Variants in FOXN3 observed in about 807,000 individuals in gnomAD.
FOXN3 encodes the protein forkhead box N3.
FOXN3 carries 7 observed loss-of-function variants against 38.4 expected under a neutral mutation model. The observed-to-expected ratio is 0.18, with a 90% confidence interval of 0.10 to 0.34. The LOEUF is 0.34. Ranked by LOEUF, FOXN3 falls within the 10% of genes least tolerant of loss-of-function variation. The pLI is 1.00. For missense variants in FOXN3, 456 were observed against 613.4 expected, an observed-to-expected ratio of 0.74 and a Z score of 2.71; for synonymous variants, 230 against 242.2, an observed-to-expected ratio of 0.95 and a Z score of 0.47.
At chr14:89,553,376 T>C (rs1386102201) in intron 1 of FOXN3, among the ~76,000 whole-genome samples, 1 of 148,386 alleles carries the variant, frequency 6.7e-6, no homozygotes, top group East Asian at 2.0e-4. Context: ...GGAAAGACTA[T>C]AAAGTAGTGC....
At position 89,235,367 on chromosome 14, in the gene FOXN3, G is replaced by A. The variant is rs181467164; in HGVS notation, c.745+45583C>T. 1.3e-4 allele frequency among the ~76,000 whole-genome samples: 20 copies of A among 152,278 alleles called. No individual in the cohort carries two copies. The East Asian group carries it at 3.7e-3, about 28-fold the overall frequency. On this transcript the variant is annotated intron_variant, in intron 4 of 5. Transcript: ENST00000557258. ...TAACCACACAAAGTAAAGTATAGGA[G>A]TGTGCCTGTGTGAGGGGCTTCTGCC...
At chr14:89,547,091 T>G (rs1393560492) in intron 1 of FOXN3, among the ~76,000 whole-genome samples, 1 of 152,140 alleles carries the variant, frequency 6.6e-6, no homozygotes, top group African/African-American at 2.4e-5. Context: ...GCCCTGACAC[T>G]AGGTAATTTA....
At chr14:89,332,367 G>C (rs182567627) in intron 3 of FOXN3, among the ~76,000 whole-genome samples, 1 of 152,172 alleles carries the variant, frequency 6.6e-6, no homozygotes. Context: ...CAACAAAAGT[G>C]AGCAAAAAGT....
intron 1 of FOXN3, among the ~76,000 whole-genome samples, chr14:89,500,291 C>G (rs907455506): frequency 6.6e-6 from 1 of 152,186 alleles, no homozygotes; most frequent in Non-Finnish European, 1.5e-5. Context: ...GCCATCGGCA[C>G]GGATGGCCTA....
At chr14:89,457,017 G>A (rs1158093534) in intron 1 of FOXN3, among the ~76,000 whole-genome samples, 8 of 152,160 alleles carry the variant, frequency 5.3e-5, no homozygotes, top group African/African-American at 7.2e-5. Flanking sequence ...TTGTATCACC[G>A]TTATTAATGA....
chr14:89,526,011 A>C (rs955275995), intron 1 of FOXN3, among the ~76,000 whole-genome samples: 13 of 151,588 alleles, frequency 8.6e-5, no homozygotes, highest in Admixed American at 2.0e-4. Flanking sequence ...ACTAAAAAGA[A>C]AAAAAAAAGT....
chr14:89,469,899 C>T (rs149221399), intron 1 of FOXN3, among the ~76,000 whole-genome samples: 3 of 152,320 alleles, frequency 2.0e-5, no homozygotes, highest in Non-Finnish European at 4.4e-5. Flanking sequence ...TGAATGTCAG[C>T]GAGTTGGTCG....
At chr14:89,464,621 T>C (rs555581536) in intron 1 of FOXN3, among the ~76,000 whole-genome samples, 1 of 152,142 alleles carries the variant, frequency 6.6e-6, no homozygotes, top group Admixed American at 6.5e-5. Flanking sequence ...ATAATCCCCA[T>C]GTGTCACGGG....
intron 1 of FOXN3, among the ~76,000 whole-genome samples, chr14:89,497,590 G>C (rs1893712709): frequency 6.6e-6 from 1 of 151,392 alleles, no homozygotes; most frequent in Non-Finnish European, 1.5e-5. Context: ...ATTTTTAGTA[G>C]AGACGGGGTT....
intron 1 of FOXN3, among the ~76,000 whole-genome samples, chr14:89,556,566 A>G (rs1171312488): frequency 1.3e-5 from 2 of 152,140 alleles, no homozygotes; most frequent in Non-Finnish European, 2.9e-5. Flanking sequence ...GCCTTCTAAT[A>G]CTGAATGATG....
chr14:89,471,309 G>T (rs943945866), intron 1 of FOXN3, among the ~76,000 whole-genome samples: 10 of 152,170 alleles, frequency 6.6e-5, no homozygotes, highest in African/African-American at 2.4e-4. Flanking sequence ...AGGATGTAAA[G>T]AATTCTCCTG....
chr14:89,388,133 G>A (rs760588553), intron 2 of FOXN3, among the ~76,000 whole-genome samples: 4 of 152,176 alleles, frequency 2.6e-5, no homozygotes, highest in Admixed American at 6.5e-5. Flanking sequence ...GCAGTGAGCC[G>A]AGATTGCGAC....
intron 1 of FOXN3, among the ~76,000 whole-genome samples, chr14:89,574,709 C>T (rs919367623): frequency 6.6e-6 from 1 of 152,152 alleles, no homozygotes; most frequent in African/African-American, 2.4e-5. Flanking sequence ...TGGGAAGCTT[C>T]TCTGATCGTC....
At chr14:89,218,107 G>A (rs945223322) in intron 4 of FOXN3, among the ~76,000 whole-genome samples, 1 of 152,048 alleles carries the variant, frequency 6.6e-6, no homozygotes, top group Non-Finnish European at 1.5e-5. Flanking sequence ...GGGATTCCTT[G>A]GCAATTCACT....
intron 4 of FOXN3, among the ~76,000 whole-genome samples, chr14:89,268,456 T>A (rs1886049167): frequency 6.6e-6 from 1 of 152,152 alleles, no homozygotes; most frequent in Non-Finnish European, 1.5e-5. Context: ...CACTGTTAAT[T>A]AGAAACACTG....
At position 89,314,687 on chromosome 14, in the gene FOXN3, T is replaced by C. The variant is rs77502346; in HGVS notation, c.681-33673A>G. Among the ~76,000 whole-genome samples the C allele has an allele frequency of 3.1e-3, 475 of 152,308 alleles. 13 individuals are homozygous for C. In the East Asian group the frequency reaches 0.079, roughly 25 times the overall value. On this transcript the variant is annotated intron_variant, in intron 3 of 5. Coordinates refer to ENST00000557258, the MANE Select transcript of FOXN3 (RefSeq NM_005197.4). ...CCAAGATGAGCTCAGTTTGTGGATC[T>C]CAAACTGGGAAAAGACAGACATGAG...
intron 2 of FOXN3, among the ~76,000 whole-genome samples, chr14:89,380,475 TC>T (rs1330354266): frequency 8.5e-5 from 13 of 152,204 alleles, no homozygotes; most frequent in Admixed American, 6.5e-5. Flanking sequence ...CATGTTAACA[TC>T]AAACAGCAGT....
intron 4 of FOXN3, among the ~76,000 whole-genome samples, chr14:89,276,077 G>C (rs1024668677): frequency 1.3e-5 from 2 of 152,148 alleles, no homozygotes; most frequent in African/African-American, 4.8e-5. Flanking sequence ...AAAAGTTCGA[G>C]ACCAGCCTGG....
In FOXN3 at chr14:89,449,759, G is replaced by T. The variant is rs190431329; in HGVS notation, c.-14-37269C>A. Among the ~76,000 whole-genome samples, 58 of 152,258 alleles carry T rather than the reference G, an allele frequency of 3.8e-4. 1 individual carries two copies. Among genetic ancestry groups the T allele is most frequent in the African/African-American group, 1.1e-3 (47 of 41,550 alleles). On this transcript the variant is annotated intron_variant, in intron 1 of 6. Transcript: ENST00000345097. Reference sequence around the variant, plus strand: ...GCATACAATTCAGCCAACTCCCCACGGAGGTCTGACAGCTTTGCCCCCCTC... The same window carrying T: ...GCATACAATTCAGCCAACTCCCCACTGAGGTCTGACAGCTTTGCCCCCCTC...
Sources: allele counts gnomAD v4.1 joint callset (sites outside exome capture counted in the v4.1 genomes callset), GRCh38; gene constraint gnomAD v4.1.1; transcripts MANE v1.5; gene names NCBI Gene and HGNC (gene_info 2026-07-23, HGNC 2026-07-21).